The following NRG1 variants were observed in gnomAD, a reference collection of about 807,000 sequenced individuals.
The protein encoded by NRG1 is neuregulin 1.
A neutral mutation model predicts 63.8 loss-of-function variants in NRG1; 18 were observed. The observed-to-expected ratio is 0.28, with a 90% CI of 0.19 to 0.42. The LOEUF (loss-of-function observed/expected upper bound fraction) is 0.42. Among genes scored for constraint, NRG1 ranks in the 10% least tolerant of loss-of-function variants. The pLI is 1.00. For missense variants in NRG1, 762 were observed against 814.7 expected (o/e 0.94, Z 0.79); for synonymous variants, 302 against 301.3 (o/e 1.00, Z -0.02).
intron 1 of NRG1, among the ~76,000 whole-genome samples, chr8:32,472,319 G>A (rs1053975055): frequency 2.6e-5 from 4 of 152,028 alleles, no homozygotes; most frequent in East Asian, 1.9e-4. Flanking sequence ...ACAGACACCC[G>A]CCATGACACC....
intron 6 of NRG1, among the ~76,000 whole-genome samples, chr8:32,733,340 G>A (rs978350746): frequency 1.3e-5 from 2 of 151,776 alleles, no homozygotes; most frequent in Admixed American, 1.3e-4. Flanking sequence ...AGCCATGTAG[G>A]GCCTTATTAT....
intron 3 of NRG1, 114 bp downstream of exon 3, chr8:32,605,797 C>A (rs1845160704): frequency 3.2e-6 from 4 of 1,246,438 alleles, no homozygotes; most frequent in Non-Finnish European, 4.4e-6. Context: ...AAATTAAAAA[C>A]AGAGAAAGAA....
chr8:32,428,111 G>A (rs571358599), intron 1 of NRG1, among the ~76,000 whole-genome samples: 35 of 152,294 alleles, frequency 2.3e-4, no homozygotes, highest in African/African-American at 7.5e-4. Flanking sequence ...TGTTCACCAT[G>A]GCAAAGGCAA....
At chr8:31,999,622 G>T (rs1373197794) in intron 1 of NRG1, among the ~76,000 whole-genome samples, 2 of 151,972 alleles carry the variant, frequency 1.3e-5, no homozygotes, top group Non-Finnish European at 2.9e-5. Flanking sequence ...TTTCTTCAAA[G>T]AAATCTGCTT....
chr8:31,999,849 T>C (rs1384454989), intron 1 of NRG1, among the ~76,000 whole-genome samples: 2 of 151,970 alleles, frequency 1.3e-5, no homozygotes, highest in Non-Finnish European at 2.9e-5. Flanking sequence ...TAAACAGCTA[T>C]GGGAACAAAA....
At chr8:32,224,114 G>C in intron 1 of NRG1, among the ~76,000 whole-genome samples, 1 of 152,146 alleles carries the variant, frequency 6.6e-6, no homozygotes, top group South Asian at 2.1e-4. Flanking sequence ...GTCAATGTAA[G>C]AAGATGAGCG....
intron 1 of NRG1, among the ~76,000 whole-genome samples, chr8:32,321,495 A>T (rs370497591): frequency 6.7e-6 from 1 of 148,178 alleles, no homozygotes; most frequent in Non-Finnish European, 1.5e-5. Context: ...AAAAAAAAAA[A>T]TCTGACAGCA....
intron 1 of NRG1, among the ~76,000 whole-genome samples, chr8:32,318,264 T>C (rs1449818267): frequency 1.3e-5 from 2 of 152,228 alleles, no homozygotes; most frequent in African/African-American, 2.4e-5. Context: ...TTTGACAAGT[T>C]ATGAATTCCT....
intron 1 of NRG1, among the ~76,000 whole-genome samples, chr8:32,285,716 A>G (rs973662843): frequency 5.3e-5 from 8 of 152,028 alleles, no homozygotes; most frequent in Non-Finnish European, 8.8e-5. Flanking sequence ...CGTATGCCTC[A>G]CTCTAGGTGA....
At chr8:32,621,067 T>C (rs73590603) in intron 5 of NRG1, among the ~76,000 whole-genome samples, 3,884 of 152,214 alleles carry the variant, frequency 0.026, 78 homozygotes, top group Middle Eastern at 0.11. Flanking sequence ...CCCCTTTCTG[T>C]TTATTTTTCC....
chr8:32,465,650 C>T (rs1382718891), intron 1 of NRG1, among the ~76,000 whole-genome samples: 1 of 152,162 alleles, frequency 6.6e-6, no homozygotes, highest in African/African-American at 2.4e-5. Context: ...CTTATACTCT[C>T]GAATCCAGCA....
intron 1 of NRG1, among the ~76,000 whole-genome samples, chr8:32,085,993 A>G (rs1828165441): frequency 6.6e-6 from 1 of 152,210 alleles, no homozygotes; most frequent in East Asian, 1.9e-4. Flanking sequence ...TCCTTAGTAG[A>G]AGAGAGAACC....
chr8:32,484,598 C>A (rs1213448699), intron 1 of NRG1, among the ~76,000 whole-genome samples: 1 of 152,008 alleles, frequency 6.6e-6, no homozygotes, highest in Non-Finnish European at 1.5e-5. Flanking sequence ...TATACCTATG[C>A]CTTTTTTTTT....
At chr8:31,978,430 A>AT (rs1386941217) in intron 1 of NRG1, among the ~76,000 whole-genome samples, 2 of 152,094 alleles carry the variant, frequency 1.3e-5, no homozygotes, top group African/African-American at 4.8e-5. Flanking sequence ...TTCACAGTGT[A>AT]TTTTCTCCCT....
At chr8:32,649,236 T>C (rs1435919650) in intron 5 of NRG1, among the ~76,000 whole-genome samples, 2 of 151,636 alleles carry the variant, frequency 1.3e-5, no homozygotes, top group Admixed American at 1.3e-4. Context: ...TAACCTGTGA[T>C]GTGCAGAGAG....
intron 1 of NRG1, among the ~76,000 whole-genome samples, chr8:32,573,801 G>A (rs985811255): frequency 5.3e-5 from 8 of 151,248 alleles, no homozygotes; most frequent in Non-Finnish European, 8.8e-5. Flanking sequence ...ATCCCTCCCC[G>A]CTCCTCCCAC....
chr8:32,142,415 C>T (rs1304773448), intron 1 of NRG1, among the ~76,000 whole-genome samples: 1 of 152,166 alleles, frequency 6.6e-6, no homozygotes, highest in African/African-American at 2.4e-5. Flanking sequence ...CATGACAGAG[C>T]ATTGCTTTGG....
intron 1 of NRG1, chr8:32,139,489 T>C (rs1835966665): frequency 7.2e-5 from 11 of 152,212 alleles, no homozygotes; most frequent in Admixed American, 7.2e-4. Flanking sequence ...CTTTGATCTC[T>C]GAAAAAGTAA....
intron 1 of NRG1, among the ~76,000 whole-genome samples, chr8:32,538,011 C>T (rs1013816800): frequency 1.3e-5 from 2 of 152,074 alleles, no homozygotes; most frequent in African/African-American, 4.8e-5. Context: ...GCCACCATGA[C>T]CACCTAATTT....
Sources: gnomAD v4.1 joint callset for allele counts (sites outside exome capture counted in the v4.1 genomes callset) on GRCh38, gnomAD v4.1.1 for gene constraint, MANE v1.5 for transcripts, NCBI Gene and HGNC (gene_info 2026-07-23, HGNC 2026-07-21) for gene names.